APBA1: variants seen among roughly 807,000 people sequenced by gnomAD.
APBA1 encodes amyloid-beta A4 precursor protein-binding family A member 1.
APBA1 carries 55 observed loss-of-function variants against 86.6 expected under a neutral mutation model. The ratio of observed to expected loss-of-function variants is 0.64; its 90% CI spans 0.51 to 0.80. The LOEUF is 0.80. Among genes scored for constraint, APBA1 ranks in the 30% least tolerant of loss-of-function variants. The probability of loss-of-function intolerance (pLI) is 0.00; values close to 1 mark genes in which losing one functional copy is unlikely to be tolerated. For synonymous variants in APBA1, 511 were observed against 493.9 expected, an observed-to-expected ratio of 1.03 and a Z score of -0.46; for missense variants, 1,090 against 1,183.0, an observed-to-expected ratio of 0.92 and a Z score of 1.15.
rs141317797 is a variant in APBA1 at position 69,648,063 on chromosome 9, A to G, written c.-70+24090T>C. On this transcript the variant is annotated intron_variant, in intron 1 of 12. Transcript: ENST00000265381. ...TGGATCAGAACTGGAAGGTACCTCG[A>G]TATCTTTGCTTATAGCATTGGACAG... Among the ~76,000 whole-genome samples the G allele has an allele frequency of 2.6e-5, 4 of 152,308 alleles. No individual in the cohort carries two copies. In the East Asian group the frequency reaches 5.8e-4, roughly 22 times the overall value.
intron 8 of APBA1, among the ~76,000 whole-genome samples, chr9:69,455,523 T>TTTTC (rs1037421634): frequency 2.6e-5 from 4 of 151,860 alleles, no homozygotes; most frequent in Admixed American, 1.3e-4. Context: ...TGTAAACAAA[T>TTTTC]TTTCTCTGTT....
intron 1 of APBA1, among the ~76,000 whole-genome samples, chr9:69,643,786 T>G (rs902913176): frequency 2.0e-5 from 3 of 152,164 alleles, no homozygotes; most frequent in African/African-American, 4.8e-5. Flanking sequence ...GAAAGGAATA[T>G]GGAGCAGAGA....
intron 1 of APBA1, among the ~76,000 whole-genome samples, chr9:69,557,805 C>G (rs1836886196): frequency 6.6e-6 from 1 of 152,184 alleles, no homozygotes; most frequent in South Asian, 2.1e-4. Flanking sequence ...TCTATTTTGC[C>G]TGGTTTACCC....
chr9:69,547,707 C>G (rs1836720251), intron 1 of APBA1, among the ~76,000 whole-genome samples: 1 of 152,060 alleles, frequency 6.6e-6, no homozygotes. Context: ...TTGGTGATAC[C>G]CTAAAAGAAC....
intron 10 of APBA1, among the ~76,000 whole-genome samples, chr9:69,443,329 T>G (rs1254328709): frequency 4.6e-5 from 7 of 152,248 alleles, no homozygotes; most frequent in Admixed American, 4.6e-4. Context: ...TGACCTCATC[T>G]GCATCCAGGT....
intron 5 of APBA1, among the ~76,000 whole-genome samples, chr9:69,458,903 A>T (rs936081208): frequency 2.6e-5 from 4 of 151,412 alleles, no homozygotes; most frequent in Non-Finnish European, 5.9e-5. Context: ...GCCTCCCAGG[A>T]TCAAGAGATT....
intron 1 of APBA1, among the ~76,000 whole-genome samples, chr9:69,560,609 A>G (rs1048173060): frequency 6.6e-5 from 10 of 152,260 alleles, no homozygotes; most frequent in African/African-American, 2.2e-4. Flanking sequence ...TACTTGGCAC[A>G]GTACTTCATT....
chr9:69,564,782 T>A (rs1836999428), intron 1 of APBA1, among the ~76,000 whole-genome samples: 2 of 152,072 alleles, frequency 1.3e-5, no homozygotes, highest in Non-Finnish European at 2.9e-5. Flanking sequence ...TCAGAAAAAG[T>A]CAACACAGAA....
At chr9:69,612,314 T>TAA (rs1822606470) in intron 1 of APBA1, among the ~76,000 whole-genome samples, 1 of 152,054 alleles carries the variant, frequency 6.6e-6, no homozygotes, top group Non-Finnish European at 1.5e-5. Flanking sequence ...TTTTTAAAAA[T>TAA]AAATTAGGGA....
chr9:69,441,165 G>T, intron 10 of APBA1, 50 bp from the exon 11 acceptor site: 1 of 1,575,104 alleles, frequency 6.3e-7, no homozygotes. Context: ...GAGGCAGACA[G>T]AATAAACAAA....
chr9:69,662,170 T>G (rs1038151044), intron 1 of APBA1, among the ~76,000 whole-genome samples: 2 of 152,088 alleles, frequency 1.3e-5, no homozygotes, highest in African/African-American at 4.8e-5. Flanking sequence ...CCAGCAACTG[T>G]CTGGGCCCAT....
chr9:69,570,678 T>A (rs1224114691), intron 1 of APBA1, among the ~76,000 whole-genome samples: 1 of 152,214 alleles, frequency 6.6e-6, no homozygotes, highest in Non-Finnish European at 1.5e-5. Context: ...TAGCCCCCTT[T>A]GTCTTTTTTT....
At chr9:69,578,763 A>G (rs1588374829) in intron 1 of APBA1, among the ~76,000 whole-genome samples, 1 of 152,190 alleles carries the variant, frequency 6.6e-6, no homozygotes, top group East Asian at 1.9e-4. Flanking sequence ...TTAACAGTCT[A>G]GCTTAGCACA....
chr9:69,636,936 AAAG>A, intron 1 of APBA1, among the ~76,000 whole-genome samples: 1 of 144,048 alleles, frequency 6.9e-6, no homozygotes, highest in Non-Finnish European at 1.5e-5. Flanking sequence ...AGAAAGAAAG[AAAG>A]AAAGAAAGAA....
At chr9:69,526,460 A>G (rs1198931535) in intron 1 of APBA1, among the ~76,000 whole-genome samples, 3 of 152,136 alleles carry the variant, frequency 2.0e-5, no homozygotes, top group Admixed American at 6.5e-5. Context: ...GCCAAGAAAC[A>G]TATGAAAAAA....
intron 1 of APBA1, among the ~76,000 whole-genome samples, chr9:69,595,625 T>G (rs953955642): frequency 9.9e-5 from 15 of 152,226 alleles, no homozygotes; most frequent in African/African-American, 3.6e-4. Context: ...TTTTTATTTG[T>G]GGGTTCATAC....
At position 69,468,032 on chromosome 9, in the gene APBA1, G is replaced by A. The variant is rs1032148802; in HGVS notation, c.1337-64C>T. 13 of 1,577,256 alleles carry A rather than the reference G, an allele frequency of 8.2e-6. No homozygotes were observed. In the African/African-American group the frequency reaches 1.7e-4, roughly 21 times the overall value. On this transcript the variant is annotated intron_variant, in intron 4 of 12. Transcript: ENST00000265381. The stretch of plus-strand genomic sequence containing the variant: ...GGTGGGGCCTGCCAACCCCCTCAAT[G>A]GCACATCTCCCCTCTCCCATGCCTC...
At chr9:69,457,331 T>C (rs1486320708) in intron 6 of APBA1, among the ~76,000 whole-genome samples, 192 bp from the exon 7 acceptor site, 1 of 152,196 alleles carries the variant, frequency 6.6e-6, no homozygotes, top group African/African-American at 2.4e-5. Context: ...TTAGCACCTC[T>C]AGGTTACAGG....
At chr9:69,522,389 A>C (rs947099114) in intron 1 of APBA1, among the ~76,000 whole-genome samples, 1 of 148,838 alleles carries the variant, frequency 6.7e-6, no homozygotes, top group Admixed American at 6.8e-5. Context: ...TCTTCTTTCT[A>C]TCTTAAATCT....
Sources: gnomAD v4.1 joint callset for allele counts (sites outside exome capture counted in the v4.1 genomes callset) on GRCh38, gnomAD v4.1.1 for gene constraint, MANE v1.5 for transcripts, NCBI Gene and HGNC (gene_info 2026-07-23, HGNC 2026-07-21) for gene names.